The following COL11A1 variants were observed in gnomAD, a reference collection of about 807,000 sequenced individuals.
The protein encoded by COL11A1 is collagen type XI alpha 1 chain, also known as collagen alpha-1(XI) chain.
COL11A1 carries 74 observed loss-of-function variants against 265.2 expected under a neutral mutation model. That is an observed-to-expected ratio of 0.28 (90% CI 0.23 to 0.34). The LOEUF (loss-of-function observed/expected upper bound fraction) is 0.34, where lower values mean the gene tolerates loss of function less well. Ranked by LOEUF, COL11A1 falls within the 10% of genes least tolerant of loss-of-function variation. The probability of loss-of-function intolerance (pLI) is 1.00; values close to 1 mark genes in which losing one functional copy is unlikely to be tolerated. For missense variants in COL11A1, 2,165 were observed against 2,263.6 expected (o/e 0.96, Z 0.88); for synonymous variants, 816 against 727.6 (o/e 1.12, Z -1.96).
intron 44 of COL11A1, among the ~76,000 whole-genome samples, chr1:102,935,794 A>G (rs959618029): frequency 1.3e-5 from 2 of 152,170 alleles, no homozygotes; most frequent in Non-Finnish European, 2.9e-5. Context: ...TGTAACTACT[A>G]CTTGTGGGGG....
chr1:102,933,869 C>T (rs1413600674), intron 46 of COL11A1, among the ~76,000 whole-genome samples: 1 of 152,182 alleles, frequency 6.6e-6, no homozygotes, highest in East Asian at 1.9e-4. Context: ...GAGTCCGTCA[C>T]CCCTTTCTTT....
At chr1:102,996,079 A>G in intron 26 of COL11A1, 37 bp from the exon 27 acceptor site, 1 of 1,594,910 alleles carries the variant, frequency 6.3e-7, no homozygotes, top group Admixed American at 1.7e-5. Context: ...CGTGTAATAA[A>G]TTGAAAGTGC....
intron 45 of COL11A1, among the ~76,000 whole-genome samples, 189 bp from the exon 46 acceptor site, chr1:102,934,745 G>A (rs1232120022): frequency 1.3e-5 from 2 of 152,066 alleles, no homozygotes; most frequent in Non-Finnish European, 2.9e-5. Flanking sequence ...CTTTGCTTCT[G>A]GATCATAACT....
intron 46 of COL11A1, among the ~76,000 whole-genome samples, chr1:102,933,520 C>T (rs1193199466): frequency 6.6e-6 from 1 of 152,110 alleles, no homozygotes; most frequent in Non-Finnish European, 1.5e-5. Context: ...ACATTTAAGT[C>T]TGCAGAGGTT....
At chr1:102,995,301 T>G (rs540124570) in intron 28 of COL11A1, among the ~76,000 whole-genome samples, 20 of 152,262 alleles carry the variant, frequency 1.3e-4, no homozygotes, top group South Asian at 4.1e-4. Context: ...AAAGATGCCA[T>G]ATGCATTCAT....
At chr1:103,021,154 C>G (rs1344446709) in intron 9 of COL11A1, among the ~76,000 whole-genome samples, 2 of 150,360 alleles carry the variant, frequency 1.3e-5, no homozygotes, top group African/African-American at 4.9e-5. Flanking sequence ...AAGTAAGAAT[C>G]TGTTTCTTAG....
At chr1:103,047,242 T>A (rs915416618) in intron 4 of COL11A1, among the ~76,000 whole-genome samples, 2 of 152,222 alleles carry the variant, frequency 1.3e-5, no homozygotes, top group Non-Finnish European at 2.9e-5. Flanking sequence ...CCCATGAGCA[T>A]GGAATGTTCT....
chr1:103,070,271 G>C (rs1488874351), intron 4 of COL11A1, among the ~76,000 whole-genome samples: 1 of 150,098 alleles, frequency 6.7e-6, no homozygotes, highest in South Asian at 2.1e-4. Flanking sequence ...TAATTCTTAA[G>C]ATCATTATAC....
At chr1:102,918,685 GTGT>G (rs1483098012) in intron 49 of COL11A1, among the ~76,000 whole-genome samples, 4 of 151,940 alleles carry the variant, frequency 2.6e-5, no homozygotes, top group African/African-American at 9.7e-5. Flanking sequence ...AATTAAAACT[GTGT>G]TTTTTAGTGT....
At chr1:103,073,742 T>TCG (rs1259271039) in intron 4 of COL11A1, among the ~76,000 whole-genome samples, 1 of 151,970 alleles carries the variant, frequency 6.6e-6, no homozygotes, top group Non-Finnish European at 1.5e-5. Context: ...GCTGATGCTC[T>TCG]GAATGAACAT....
chr1:103,031,342 T>C, intron 4 of COL11A1, 98 bp from the exon 5 acceptor site: 1 of 1,421,630 alleles, frequency 7.0e-7, no homozygotes, highest in South Asian at 1.3e-5. Flanking sequence ...TTTTTAAATA[T>C]TTGAAGAAGA....
intron 46 of COL11A1, among the ~76,000 whole-genome samples, chr1:102,929,487 T>G (rs1657102511): frequency 6.6e-6 from 1 of 152,134 alleles, no homozygotes; most frequent in South Asian, 2.1e-4. Flanking sequence ...CTGTTTTGGT[T>G]ACTGTAGCCT....
chr1:103,064,865 G>T (rs1320526129), intron 4 of COL11A1, among the ~76,000 whole-genome samples: 3 of 151,806 alleles, frequency 2.0e-5, no homozygotes, highest in East Asian at 1.9e-4. Context: ...ACTTCCAGGG[G>T]TTAATCAGGG....
intron 1 of COL11A1, among the ~76,000 whole-genome samples, chr1:103,088,365 T>C (rs1673040477): frequency 6.6e-6 from 1 of 152,106 alleles, no homozygotes; most frequent in Admixed American, 6.5e-5. Context: ...TTGTCAGAAC[T>C]AAATTGGTTT....
At chr1:102,921,691 G>T in intron 47 of COL11A1, 120 bp from the exon 48 acceptor site, 1 of 806,370 alleles carries the variant, frequency 1.2e-6, no homozygotes, top group Non-Finnish European at 2.1e-6. Flanking sequence ...AGTTAGTGAA[G>T]CACATCAGGG....
intron 4 of COL11A1, among the ~76,000 whole-genome samples, chr1:103,071,751 G>GTAC (rs71310142): frequency 0.19 from 28,538 of 150,942 alleles, 2,812 homozygotes; most frequent in Middle Eastern, 0.23. Context: ...CATATCAAAA[G>GTAC]TTGAAATGTC....
chr1:103,050,369 A>G (rs1340614557), intron 4 of COL11A1, among the ~76,000 whole-genome samples: 3 of 152,114 alleles, frequency 2.0e-5, no homozygotes, highest in Admixed American at 6.6e-5. Context: ...CATCACTGAT[A>G]CCCTTTCTTC....
intron 57 of COL11A1, 65 bp downstream of exon 57, chr1:102,898,060 T>C: frequency 1.0e-6 from 1 of 1,004,848 alleles, no homozygotes; most frequent in Non-Finnish European, 1.5e-6. Flanking sequence ...TCAAAAATTC[T>C]AGCTAATAAA....
chr1:103,031,623 T>C (rs561797510), intron 4 of COL11A1, among the ~76,000 whole-genome samples: 2 of 152,200 alleles, frequency 1.3e-5, no homozygotes, highest in South Asian at 2.1e-4. Context: ...AAGACAGTAA[T>C]GTAATAGTAA....
Sources: gnomAD v4.1 joint callset for allele counts (sites outside exome capture counted in the v4.1 genomes callset) on GRCh38, gnomAD v4.1.1 for gene constraint, MANE v1.5 for transcripts, NCBI Gene and HGNC (gene_info 2026-07-23, HGNC 2026-07-21) for gene names.